Variants in CMIP observed in about 807,000 individuals in gnomAD.
CMIP encodes C-Maf-inducing protein.
A neutral mutation model predicts 97.3 loss-of-function variants in CMIP; 13 were observed. The observed-to-expected ratio is 0.13, with a 90% CI of 0.09 to 0.21. CMIP has a LOEUF of 0.21. Among genes scored for constraint, CMIP ranks in the 10% least tolerant of loss-of-function variants. The pLI is 1.00. For synonymous variants in CMIP, 538 were observed against 436.3 expected, an observed-to-expected ratio of 1.23 and a Z score of -2.91; for missense variants, 847 against 1,024.9, an observed-to-expected ratio of 0.83 and a Z score of 2.37.
chr16:81,694,264 G>C (rs1906445694), intron 13 of CMIP, among the ~76,000 whole-genome samples: 1 of 152,212 alleles, frequency 6.6e-6, no homozygotes, highest in African/African-American at 2.4e-5. Flanking sequence ...GCTTCTCTGT[G>C]TGCATGAGTT....
intron 1 of CMIP, among the ~76,000 whole-genome samples, chr16:81,604,912 T>A (rs141610383): frequency 1.2e-3 from 184 of 152,270 alleles, no homozygotes; most frequent in African/African-American, 4.3e-3. Context: ...AAGATAGTCA[T>A]TAATTTGTCA....
At chr16:81,677,114 G>A (rs1489904730) in intron 9 of CMIP, among the ~76,000 whole-genome samples, 2 of 152,162 alleles carry the variant, frequency 1.3e-5, no homozygotes, top group African/African-American at 2.4e-5. Flanking sequence ...GTCCCGCCAG[G>A]GGTGGAGAGC....
At chr16:81,693,528 G>C in intron 13 of CMIP, 41 bp downstream of exon 13, 1 of 1,594,138 alleles carries the variant, frequency 6.3e-7, no homozygotes, top group Non-Finnish European at 8.6e-7. Flanking sequence ...GCTGTCTGGG[G>C]ATGGCAGGAT....
chr16:81,604,507 G>T (rs1055682682), intron 1 of CMIP, among the ~76,000 whole-genome samples: 36 of 151,692 alleles, frequency 2.4e-4, no homozygotes, highest in African/African-American at 8.2e-4. Flanking sequence ...AGACCAGCCT[G>T]GCCAAGATGG....
intron 1 of CMIP, among the ~76,000 whole-genome samples, chr16:81,493,799 C>A (rs2089443651): frequency 6.6e-6 from 1 of 152,216 alleles, no homozygotes; most frequent in South Asian, 2.1e-4. Flanking sequence ...AGGGGCGAGT[C>A]ACCTGCTGGC....
At chr16:81,467,522 T>C (rs1052977273) in intron 1 of CMIP, among the ~76,000 whole-genome samples, 1 of 152,162 alleles carries the variant, frequency 6.6e-6, no homozygotes, top group African/African-American at 2.4e-5. Context: ...AAGAGGAATT[T>C]AGTGTTTTTA....
intron 3 of CMIP, among the ~76,000 whole-genome samples, chr16:81,641,087 C>G (rs987385885): frequency 1.3e-5 from 2 of 152,250 alleles, no homozygotes; most frequent in Admixed American, 1.3e-4. Flanking sequence ...CACCTGGAAG[C>G]TGCTTAATGC....
At chr16:81,459,476 A>T (rs922278884) in intron 1 of CMIP, among the ~76,000 whole-genome samples, 3 of 152,058 alleles carry the variant, frequency 2.0e-5, no homozygotes, top group African/African-American at 7.2e-5. Context: ...CAAGCTCCCA[A>T]CCCAAGCAAG....
chr16:81,687,100 A>G (rs1344448132), intron 10 of CMIP, among the ~76,000 whole-genome samples: 1 of 152,192 alleles, frequency 6.6e-6, no homozygotes, highest in African/African-American at 2.4e-5. Context: ...AGTCCCCCAG[A>G]TGGAGACTCA....
At chr16:81,510,318 G>A (rs190553183) in intron 1 of CMIP, among the ~76,000 whole-genome samples, 9 of 152,194 alleles carry the variant, frequency 5.9e-5, no homozygotes, top group East Asian at 3.9e-4. Flanking sequence ...CATGATGGCC[G>A]CCCTCATCAC....
At position 81,525,177 on chromosome 16, in the gene CMIP, T is replaced by G. The variant is rs537878435; in HGVS notation, c.300+79636T>G. Among the ~76,000 whole-genome samples the G allele has an allele frequency of 2.6e-5, 4 of 152,196 alleles. No individual in the cohort carries two copies. In the South Asian group the frequency reaches 8.3e-4, roughly 32 times the overall value. ...ATTTTTTCTTGAGATGGAGTCTTGC[T>G]CAGCCACCCAGGCTGGAGTGCAGTG... On this transcript the variant is annotated intron_variant, in intron 1 of 20. Coordinates refer to ENST00000537098, the MANE Select transcript of CMIP (RefSeq NM_198390.3).
chr16:81,620,957 C>G (rs369939332), intron 3 of CMIP, 31 bp downstream of exon 3: 2 of 1,612,482 alleles, frequency 1.2e-6, no homozygotes, highest in East Asian at 2.2e-5. Flanking sequence ...TTGTTTAAAG[C>G]GACTCAGGCA....
intron 9 of CMIP, 119 bp from the exon 10 acceptor site, chr16:81,678,156 G>T (rs1597236859): frequency 1.4e-6 from 1 of 705,468 alleles, no homozygotes; most frequent in Non-Finnish European, 2.3e-6. Context: ...GCACAGGAAT[G>T]ATGATAGTAT....
chr16:81,637,872 T>C (rs1310216672), intron 3 of CMIP, among the ~76,000 whole-genome samples: 1 of 152,174 alleles, frequency 6.6e-6, no homozygotes, highest in African/African-American at 2.4e-5. Flanking sequence ...TGGTGAGGGC[T>C]CGCTCCCTGC....
At chr16:81,630,279 G>A (rs1261039878) in intron 3 of CMIP, 2 of 152,268 alleles carry the variant, frequency 1.3e-5, no homozygotes, top group Non-Finnish European at 2.9e-5. Flanking sequence ...ACAGGCTCTT[G>A]GTGTCGGAGG....
At chr16:81,565,516 C>T (rs2150879295) in intron 1 of CMIP, among the ~76,000 whole-genome samples, 1 of 152,314 alleles carries the variant, frequency 6.6e-6, no homozygotes, top group South Asian at 2.1e-4. Flanking sequence ...GACCATCTGC[C>T]CTTCTCACTC....
chr16:81,447,418 C>G (rs965821639), intron 1 of CMIP, among the ~76,000 whole-genome samples: 2 of 151,966 alleles, frequency 1.3e-5, no homozygotes, highest in African/African-American at 4.8e-5. Flanking sequence ...AGCCAGCTCT[C>G]GAGGCTAATG....
intron 2 of CMIP, chr16:81,617,586 C>G (rs1237100327): frequency 6.6e-6 from 1 of 152,342 alleles, no homozygotes; most frequent in African/African-American, 2.4e-5. Context: ...TTGGGTTTCG[C>G]TACAGAGGCT....
intron 1 of CMIP, among the ~76,000 whole-genome samples, chr16:81,600,571 C>T (rs936871220): frequency 1.3e-5 from 2 of 152,162 alleles, no homozygotes; most frequent in African/African-American, 4.8e-5. Flanking sequence ...CTAGTGGCTG[C>T]CTGGCGCCTG....
Sources: allele counts gnomAD v4.1 joint callset (sites outside exome capture counted in the v4.1 genomes callset), GRCh38; gene constraint gnomAD v4.1.1; transcripts MANE v1.5; gene names NCBI Gene and HGNC (gene_info 2026-07-23, HGNC 2026-07-21).